Variants in TNKS observed in about 807,000 individuals in gnomAD.
TNKS encodes the protein poly [ADP-ribose] polymerase tankyrase-1.
In TNKS, 72 loss-of-function variants were observed where a neutral mutation model predicts 135.8. The observed-to-expected ratio is 0.53, with a 90% confidence interval of 0.44 to 0.64. The LOEUF (loss-of-function observed/expected upper bound fraction) is 0.64. Ranked by LOEUF, TNKS falls within the 30% of genes least tolerant of loss-of-function variation. TNKS has a pLI of 0.00. For synonymous variants in TNKS, 849 were observed against 649.3 expected, an observed-to-expected ratio of 1.31 and a Z score of -4.68; for missense variants, 1,769 against 1,674.0, an observed-to-expected ratio of 1.06 and a Z score of -0.99.
chr8:9,648,654 G>A (rs553148873), intron 3 of TNKS, among the ~76,000 whole-genome samples: 43 of 152,234 alleles, frequency 2.8e-4, no homozygotes, highest in South Asian at 2.7e-3. Flanking sequence ...CACTACAAAC[G>A]TGAGTAATGC....
chr8:9,556,801 T>A, intron 1 of TNKS, 189 bp downstream of exon 1: 2 of 512,618 alleles, frequency 3.9e-6, no homozygotes, highest in Non-Finnish European at 3.5e-6. Flanking sequence ...TTGGGGGGGA[T>A]AAGTGAATCC....
chr8:9,624,473 AAAG>A (rs559704504), intron 3 of TNKS, among the ~76,000 whole-genome samples: 1 of 152,194 alleles, frequency 6.6e-6, no homozygotes, highest in Non-Finnish European at 1.5e-5. Flanking sequence ...GAAGTAATAA[AAAG>A]AAGTCCCTTG....
rs569042105 is a variant in TNKS, at chr8:9,632,367, C to T, written c.994+16690C>T. The stretch of plus-strand genomic sequence containing the variant: ...TAAGATGAATACCTGTATACTCTCG[C>T]ATAGATTCACCAATTATTAACGTAT... On this transcript the variant is annotated intron_variant, in intron 3 of 26. Transcript: ENST00000310430. Among the ~76,000 whole-genome samples, 19 of 152,290 alleles carry T rather than the reference C, an allele frequency of 1.2e-4. 1 individual carries two copies. In the South Asian group the frequency reaches 3.3e-3, roughly 27 times the overall value.
chr8:9,598,795 A>G (rs1233591506), intron 2 of TNKS, among the ~76,000 whole-genome samples: 1,390 of 88,570 alleles, frequency 0.016, 101 homozygotes, highest in African/African-American at 0.054. Context: ...ATATATATAT[A>G]TATATATATA....
chr8:9,631,273 G>A (rs4840432), intron 3 of TNKS, among the ~76,000 whole-genome samples: 15,553 of 152,182 alleles, frequency 0.1, 1,131 homozygotes, highest in East Asian at 0.22. Context: ...ATCTTCTCAC[G>A]TACCCAGCCA....
intron 3 of TNKS, among the ~76,000 whole-genome samples, chr8:9,662,618 A>G (rs1339889245): frequency 6.6e-6 from 1 of 152,158 alleles, no homozygotes; most frequent in East Asian, 1.9e-4. Flanking sequence ...GGGGGAAGGG[A>G]TAGCATTAGG....
At chr8:9,650,869 T>G (rs574946882) in intron 3 of TNKS, among the ~76,000 whole-genome samples, 1 of 152,228 alleles carries the variant, frequency 6.6e-6, no homozygotes, top group African/African-American at 2.4e-5. Context: ...GCTTTTGTGT[T>G]GTTGGTTGTG....
At chr8:9,565,203 G>A (rs902162706) in intron 1 of TNKS, among the ~76,000 whole-genome samples, 2 of 152,156 alleles carry the variant, frequency 1.3e-5, no homozygotes, top group African/African-American at 4.8e-5. Context: ...AATTAAAGCA[G>A]CGTGAGGGTA....
intron 3 of TNKS, among the ~76,000 whole-genome samples, chr8:9,616,871 C>G (rs1279274074): frequency 6.6e-6 from 1 of 152,086 alleles, no homozygotes; most frequent in Non-Finnish European, 1.5e-5. Flanking sequence ...TACATAGCCT[C>G]GGGCCTGCTC....
intron 5 of TNKS, among the ~76,000 whole-genome samples, chr8:9,696,091 A>G (rs1401715992): frequency 6.6e-6 from 1 of 152,212 alleles, no homozygotes; most frequent in Non-Finnish European, 1.5e-5. Context: ...GTTAGCAAAG[A>G]GGACTAGGTT....
chr8:9,620,976 G>A (rs2128767539), intron 3 of TNKS, among the ~76,000 whole-genome samples: 1 of 152,230 alleles, frequency 6.6e-6, no homozygotes, highest in Non-Finnish European at 1.5e-5. Flanking sequence ...TATGTCTAAG[G>A]TCCGATTACT....
intron 3 of TNKS, among the ~76,000 whole-genome samples, chr8:9,666,776 A>T (rs974513985): frequency 6.6e-6 from 1 of 152,116 alleles, no homozygotes; most frequent in Non-Finnish European, 1.5e-5. Context: ...GAGTAAGTAC[A>T]AATGTCCCTG....
intron 17 of TNKS, among the ~76,000 whole-genome samples, chr8:9,736,384 T>C (rs1585396331): frequency 6.7e-6 from 1 of 149,724 alleles, no homozygotes; most frequent in African/African-American, 2.4e-5. Flanking sequence ...ATTAAATGGT[T>C]GAGCAGTTGA....
chr8:9,726,512 C>T, intron 12 of TNKS, 129 bp from the exon 13 acceptor site: 1 of 621,854 alleles, frequency 1.6e-6, no homozygotes, highest in Non-Finnish European at 2.7e-6. Flanking sequence ...TTAGTAAAAC[C>T]AAACTAAATA....
intron 15 of TNKS, 65 bp from the exon 16 acceptor site, chr8:9,734,800 C>A (rs1312848156): frequency 1.9e-5 from 23 of 1,230,806 alleles, no homozygotes; most frequent in Non-Finnish European, 2.6e-5. Context: ...AATTAATTAC[C>A]TACCTACCTA....
At chr8:9,609,683 T>C (rs577435446) in intron 2 of TNKS, among the ~76,000 whole-genome samples, 3 of 152,176 alleles carry the variant, frequency 2.0e-5, no homozygotes, top group Non-Finnish European at 4.4e-5. Context: ...TTTTAGAAGT[T>C]GTGTTTTTGT....
At chr8:9,697,218 G>T (rs998124626) in intron 5 of TNKS, among the ~76,000 whole-genome samples, 2 of 152,256 alleles carry the variant, frequency 1.3e-5, no homozygotes, top group East Asian at 3.9e-4. Context: ...CCCTATGCAA[G>T]AAATAGTGCT....
intron 3 of TNKS, among the ~76,000 whole-genome samples, chr8:9,661,672 G>T (rs1263970039): frequency 6.6e-6 from 1 of 152,262 alleles, no homozygotes; most frequent in Middle Eastern, 3.4e-3. Flanking sequence ...ACATAGGCAT[G>T]GGCAAGGACT....
At chr8:9,653,320 T>C (rs11249934) in intron 3 of TNKS, among the ~76,000 whole-genome samples, 89,449 of 151,808 alleles carry the variant, frequency 0.59, 26,706 homozygotes, top group Middle Eastern at 0.7. Context: ...ATCATGCATC[T>C]GACTGTCTCT....
Sources: gnomAD v4.1 joint callset for allele counts (sites outside exome capture counted in the v4.1 genomes callset) on GRCh38, gnomAD v4.1.1 for gene constraint, MANE v1.5 for transcripts, NCBI Gene and HGNC (gene_info 2026-07-23, HGNC 2026-07-21) for gene names.